The following EXOC2 variants were observed in gnomAD, a reference collection of about 807,000 sequenced individuals.
The protein encoded by EXOC2 is SEC5-like 1.
Under a neutral mutation model 131.8 loss-of-function variants are expected in EXOC2, and 70 were observed. The ratio of observed to expected loss-of-function variants is 0.53; its 90% CI spans 0.44 to 0.65. The LOEUF is 0.65. Among genes scored for constraint, EXOC2 ranks in the 30% least tolerant of loss-of-function variants. The pLI, the probability that EXOC2 is intolerant of heterozygous loss-of-function variation, is 0.00. For synonymous variants in EXOC2, 411 were observed against 398.4 expected (o/e 1.03, Z -0.38); for missense variants, 923 against 1,108.6 (o/e 0.83, Z 2.38).
At chr6:529,341 C>T (rs901727626) in intron 23 of EXOC2, among the ~76,000 whole-genome samples, 7 of 152,188 alleles carry the variant, frequency 4.6e-5, no homozygotes, top group African/African-American at 7.2e-5. Flanking sequence ...TGCCGGTGTT[C>T]GGCATACACT....
At chr6:674,078 T>C (rs996834921) in intron 1 of EXOC2, among the ~76,000 whole-genome samples, 7 of 152,210 alleles carry the variant, frequency 4.6e-5, no homozygotes, top group African/African-American at 1.7e-4. Context: ...TATATTACGA[T>C]GCTTGGTTCA....
At chr6:647,389 G>A (rs1220762856) in intron 1 of EXOC2, among the ~76,000 whole-genome samples, 1 of 150,974 alleles carries the variant, frequency 6.6e-6, no homozygotes, top group Non-Finnish European at 1.5e-5. Flanking sequence ...CAGCAGGGGT[G>A]GTATTTCACA....
intron 22 of EXOC2, among the ~76,000 whole-genome samples, chr6:537,536 T>C (rs982790518): frequency 6.6e-6 from 1 of 152,162 alleles, no homozygotes; most frequent in Non-Finnish European, 1.5e-5. Flanking sequence ...GAGTGTACAC[T>C]CTGGAAAACT....
chr6:524,825 T>C (rs964955594), intron 23 of EXOC2: 1 of 152,224 alleles, frequency 6.6e-6, no homozygotes, highest in Non-Finnish European at 1.5e-5. Flanking sequence ...GTCTTTTCTA[T>C]TTTCCCACAT....
intron 23 of EXOC2, among the ~76,000 whole-genome samples, chr6:502,201 T>C (rs1000222748): frequency 6.6e-6 from 1 of 152,168 alleles, no homozygotes; most frequent in African/African-American, 2.4e-5. Context: ...CTATTTTCGA[T>C]GCTCTAAGGA....
At chr6:549,540 G>A (rs1757036568) in intron 21 of EXOC2, among the ~76,000 whole-genome samples, 1 of 152,176 alleles carries the variant, frequency 6.6e-6, no homozygotes, top group Admixed American at 6.5e-5. Flanking sequence ...AGACTTAACA[G>A]CTTGGATGGA....
chr6:647,089 T>G (rs551724312), intron 1 of EXOC2, among the ~76,000 whole-genome samples: 2 of 152,262 alleles, frequency 1.3e-5, no homozygotes, highest in South Asian at 2.1e-4. Flanking sequence ...GCATGGAAAA[T>G]TAGGCTCCAC....
intron 7 of EXOC2, among the ~76,000 whole-genome samples, chr6:608,296 G>C (rs1163904022): frequency 2.0e-5 from 3 of 152,202 alleles, no homozygotes; most frequent in Non-Finnish European, 4.4e-5. Context: ...CACGGGGCTT[G>C]ACACAACCAG....
intron 4 of EXOC2, among the ~76,000 whole-genome samples, chr6:623,838 G>T (rs1761419520): frequency 6.6e-6 from 1 of 152,188 alleles, no homozygotes; most frequent in East Asian, 1.9e-4. Flanking sequence ...ACCAAGAAGA[G>T]ACACCATCTT....
intron 7 of EXOC2, among the ~76,000 whole-genome samples, chr6:605,848 A>C (rs972866781): frequency 5.9e-5 from 9 of 152,150 alleles, no homozygotes; most frequent in South Asian, 4.1e-4. Flanking sequence ...TAGTGCTATA[A>C]ATTTCCCTCT....
At chr6:515,136 G>C (rs1310328408) in intron 23 of EXOC2, among the ~76,000 whole-genome samples, 1 of 152,112 alleles carries the variant, frequency 6.6e-6, no homozygotes, top group Non-Finnish European at 1.5e-5. Flanking sequence ...ATAACAGCAG[G>C]AATACTTGGA....
chr6:584,393 C>A (rs1385991716), intron 11 of EXOC2, among the ~76,000 whole-genome samples: 2 of 152,144 alleles, frequency 1.3e-5, no homozygotes, highest in Non-Finnish European at 2.9e-5. Flanking sequence ...AATTCAAAAT[C>A]ATAAATTGTA....
At chr6:610,601 G>A (rs897975814) in intron 6 of EXOC2, among the ~76,000 whole-genome samples, 1 of 152,206 alleles carries the variant, frequency 6.6e-6, no homozygotes, top group African/African-American at 2.4e-5. Flanking sequence ...GATTTGGGAT[G>A]TTCAACCAGT....
At chr6:526,136 T>C (rs959403301) in intron 23 of EXOC2, among the ~76,000 whole-genome samples, 2 of 152,166 alleles carry the variant, frequency 1.3e-5, no homozygotes, top group African/African-American at 4.8e-5. Flanking sequence ...AATGTGTGCA[T>C]ACACACACAC....
At chr6:658,670 T>TATATATATATATATATATATATA (rs1332684843) in intron 1 of EXOC2, among the ~76,000 whole-genome samples, 3 of 137,148 alleles carry the variant, frequency 2.2e-5, no homozygotes, top group Admixed American at 7.2e-5. Context: ...TATATATTTT[T>TATATATATATATATATATATATA]TTTTTTTTTA....
chr6:546,516 C>T (rs374288731), intron 22 of EXOC2, among the ~76,000 whole-genome samples: 21 of 152,264 alleles, frequency 1.4e-4, no homozygotes, highest in East Asian at 1.2e-3. Context: ...TTGAACACCA[C>T]GGGTCTGAAC....
chr6:615,836 T>C (rs953114010), intron 6 of EXOC2, among the ~76,000 whole-genome samples: 5 of 152,212 alleles, frequency 3.3e-5, no homozygotes, highest in African/African-American at 9.7e-5. Context: ...TGAATTTTAT[T>C]TGAATCTTGA....
intron 11 of EXOC2, among the ~76,000 whole-genome samples, chr6:581,554 T>C (rs1346943181): frequency 6.6e-6 from 1 of 152,142 alleles, no homozygotes; most frequent in Non-Finnish European, 1.5e-5. Context: ...GTATTTCTAA[T>C]TGCAAAATTC....
intron 2 of EXOC2, among the ~76,000 whole-genome samples, chr6:634,645 G>T (rs1377845345): frequency 6.6e-6 from 1 of 151,618 alleles, no homozygotes; most frequent in Non-Finnish European, 1.5e-5. Context: ...GAATTTTAGG[G>T]GTTTCTCTAA....
Sources: gnomAD v4.1 joint callset for allele counts (sites outside exome capture counted in the v4.1 genomes callset) on GRCh38, gnomAD v4.1.1 for gene constraint, MANE v1.5 for transcripts, NCBI Gene and HGNC (gene_info 2026-07-23, HGNC 2026-07-21) for gene names.